DOCK2: variants seen among roughly 807,000 people sequenced by gnomAD.
DOCK2 encodes the protein dedicator of cytokinesis 2.
In DOCK2, 87 loss-of-function variants were observed where a neutral mutation model predicts 248.9. The observed-to-expected ratio is 0.35, with a 90% CI of 0.29 to 0.42. The LOEUF is 0.42. Among genes scored for constraint, DOCK2 ranks in the 10% least tolerant of loss-of-function variants. The pLI, the probability that DOCK2 is intolerant of heterozygous loss-of-function variation, is 1.00. For missense variants in DOCK2, 1,747 were observed against 2,300.2 expected, an observed-to-expected ratio of 0.76 and a Z score of 4.92; for synonymous variants, 805 against 821.6, an observed-to-expected ratio of 0.98 and a Z score of 0.35.
chr5:169,756,296 A>G (rs921650390), intron 23 of DOCK2, among the ~76,000 whole-genome samples: 2 of 152,226 alleles, frequency 1.3e-5, no homozygotes, highest in African/African-American at 4.8e-5. Flanking sequence ...GTGTCCCTCC[A>G]AAGTCCTGGA....
chr5:169,949,084 A>G (rs1344999471), intron 27 of DOCK2, among the ~76,000 whole-genome samples: 1 of 152,234 alleles, frequency 6.6e-6, no homozygotes. Context: ...AAAGCAGAGC[A>G]TGTGGATAAA....
chr5:169,784,912 A>G (rs1765903021), intron 25 of DOCK2, among the ~76,000 whole-genome samples: 1 of 152,242 alleles, frequency 6.6e-6, no homozygotes, highest in Non-Finnish European at 1.5e-5. Context: ...CAGGTTTCCC[A>G]CTGAAAAACA....
At chr5:169,933,222 T>C (rs570150596) in intron 27 of DOCK2, among the ~76,000 whole-genome samples, 1 of 152,170 alleles carries the variant, frequency 6.6e-6, no homozygotes, top group East Asian at 1.9e-4. Flanking sequence ...GGAAATCAGG[T>C]TCTGTTTACT....
intron 30 of DOCK2, among the ~76,000 whole-genome samples, chr5:170,001,731 A>T (rs891828970): frequency 6.6e-6 from 1 of 152,256 alleles, no homozygotes; most frequent in East Asian, 1.9e-4. Context: ...TGTGTGAACA[A>T]GAGTGAATTT....
At chr5:170,023,189 G>A (rs1324057332) in intron 33 of DOCK2, among the ~76,000 whole-genome samples, 1 of 152,098 alleles carries the variant, frequency 6.6e-6, no homozygotes, top group Non-Finnish European at 1.5e-5. Flanking sequence ...CAGCAGGCAG[G>A]AGATCCCAGA....
In DOCK2 at chr5:169,983,176, C is replaced by G; in HGVS notation, c.2898+10C>G. On this transcript the variant is annotated intron_variant, in intron 28 of 51. Transcript: ENST00000520908. ...CAGCTCTGAACTTGTGGTGAGTCTG[C>G]AGGATGCTGGGGGTGAGGAAGAACT... is the stretch of plus-strand genomic sequence containing the variant. 6.2e-7 allele frequency: 1 copy of G among 1,613,752 alleles called. No homozygotes were observed. Among genetic ancestry groups the G allele is most frequent in the South Asian group, 1.1e-5 (1 of 91,074 alleles).
intron 27 of DOCK2, among the ~76,000 whole-genome samples, chr5:169,861,114 C>T (rs368080072): frequency 1.7e-4 from 26 of 152,184 alleles, no homozygotes; most frequent in African/African-American, 5.6e-4. Context: ...CCCTCACTCA[C>T]GGGACACGCG....
At chr5:169,818,149 T>C (rs776944486) in intron 26 of DOCK2, among the ~76,000 whole-genome samples, 1 of 152,196 alleles carries the variant, frequency 6.6e-6, no homozygotes, top group Non-Finnish European at 1.5e-5. Flanking sequence ...TGTTTTGAAC[T>C]CTGGGGCAGA....
At chr5:169,708,350 T>A (rs959798042) in intron 15 of DOCK2, 83 bp downstream of exon 15, 1 of 1,310,602 alleles carries the variant, frequency 7.6e-7, no homozygotes, top group Admixed American at 2.0e-5. Context: ...TTTAAATAAT[T>A]TATGTATTGC....
intron 40 of DOCK2, among the ~76,000 whole-genome samples, chr5:170,048,262 C>T (rs997025964): frequency 9.9e-5 from 15 of 151,832 alleles, no homozygotes; most frequent in Admixed American, 2.6e-4. Context: ...CGTGGTGATG[C>T]GCACCTATAA....
chr5:169,995,187 C>G (rs955985933), intron 29 of DOCK2, among the ~76,000 whole-genome samples: 2 of 152,004 alleles, frequency 1.3e-5, no homozygotes, highest in Admixed American at 1.3e-4. Flanking sequence ...CACCACAACG[C>G]CCGGCTAATT....
At chr5:170,035,743 G>A (rs1423247490) in intron 35 of DOCK2, among the ~76,000 whole-genome samples, 2 of 152,208 alleles carry the variant, frequency 1.3e-5, no homozygotes, top group Admixed American at 6.5e-5. Flanking sequence ...ATGATGTCCA[G>A]TATGATTTGC....
intron 25 of DOCK2, among the ~76,000 whole-genome samples, chr5:169,795,885 G>A (rs902665900): frequency 1.3e-5 from 2 of 152,132 alleles, no homozygotes; most frequent in Admixed American, 6.5e-5. Context: ...AGCATCCCCC[G>A]CCCCTTCCCC....
Position 169,841,448 on chromosome 5 carries a change from G to A in DOCK2, c.2799+596G>A, listed in dbSNP as rs1473274988. 4.1e-6 allele frequency: 4 copies of A among 985,424 alleles called. No individual in the cohort carries two copies. The South Asian group carries it at 1.9e-4, about 46-fold the overall frequency. The allele number at this position is 985,424 out of a possible 1,614,324, so 61.0% of individuals were successfully genotyped here. On this transcript the variant is annotated intron_variant, in intron 27 of 51. Coordinates refer to ENST00000520908, the MANE Select transcript of DOCK2 (RefSeq NM_004946.3). ...CTCTGCCCATCGTGCTTTAAACCAA[G>A]GACCCAAAATTCAAATGCTTTCAGG...
At chr5:169,896,772 G>A (rs776260471) in intron 27 of DOCK2, among the ~76,000 whole-genome samples, 4 of 152,122 alleles carry the variant, frequency 2.6e-5, no homozygotes, top group South Asian at 2.1e-4. Flanking sequence ...GTCCCTACCC[G>A]CTGCTCACAG....
At chr5:169,686,751 C>T (rs1029791833) in intron 8 of DOCK2, among the ~76,000 whole-genome samples, 4 of 152,056 alleles carry the variant, frequency 2.6e-5, no homozygotes, top group Non-Finnish European at 5.9e-5. Context: ...TAGCTAGGAT[C>T]GATGTTTTAA....
chr5:169,883,756 G>A, intron 27 of DOCK2: 3 of 1,551,596 alleles, frequency 1.9e-6, no homozygotes, highest in Non-Finnish European at 1.7e-6. Flanking sequence ...TAGGCCAGTT[G>A]GATTCTTAGT....
At chr5:170,045,574 A>C (rs570035269) in intron 38 of DOCK2, among the ~76,000 whole-genome samples, 12 of 152,302 alleles carry the variant, frequency 7.9e-5, no homozygotes, top group African/African-American at 2.6e-4. Context: ...AGAGCACGTA[A>C]ATAAAGGGTT....
chr5:169,978,111 G>A (rs762161519), intron 27 of DOCK2, among the ~76,000 whole-genome samples: 25 of 152,010 alleles, frequency 1.6e-4, no homozygotes, highest in Non-Finnish European at 3.2e-4. Flanking sequence ...TTGGTCGTGC[G>A]CATTATTTGA....
Sources: gnomAD v4.1 joint callset for allele counts (sites outside exome capture counted in the v4.1 genomes callset) on GRCh38, gnomAD v4.1.1 for gene constraint, MANE v1.5 for transcripts, NCBI Gene and HGNC (gene_info 2026-07-23, HGNC 2026-07-21) for gene names.